DNAH1: variants seen among roughly 807,000 people sequenced by gnomAD.
DNAH1 encodes the protein dynein axonemal heavy chain 1, also known as axonemal beta dynein heavy chain 1.
A neutral mutation model predicts 484.3 loss-of-function variants in DNAH1; 327 were observed. The observed-to-expected ratio is 0.68, with a 90% CI of 0.62 to 0.74. DNAH1 has a LOEUF of 0.74. DNAH1 is among the 30% of genes least tolerant of loss of function. The pLI is 0.00. For synonymous variants in DNAH1, 2,192 were observed against 2,191.9 expected (o/e 1.00, Z 0.00); for missense variants, 5,052 against 5,546.8 (o/e 0.91, Z 2.83).
chr3:52,376,153 G>A (rs952965487), intron 46 of DNAH1, among the ~76,000 whole-genome samples, 160 bp downstream of exon 46: 2 of 152,164 alleles, frequency 1.3e-5, no homozygotes, highest in Non-Finnish European at 2.9e-5. Context: ...GTTGACACAG[G>A]CACTGGCTGC....
At chr3:52,330,318 G>A (rs948649324) in intron 6 of DNAH1, among the ~76,000 whole-genome samples, 1 of 152,186 alleles carries the variant, frequency 6.6e-6, no homozygotes, top group African/African-American at 2.4e-5. Context: ...TGAACCAGGA[G>A]CTGATGCATA....
At chr3:52,391,942 C>T (rs571652940) in intron 63 of DNAH1, among the ~76,000 whole-genome samples, 6 of 152,300 alleles carry the variant, frequency 3.9e-5, no homozygotes, top group African/African-American at 1.4e-4. Context: ...CAGAGCTGAC[C>T]CAGAGCCCTG....
In DNAH1 at chr3:52,346,756, TAAC is replaced by T. The variant is rs1559509259; in HGVS notation, c.1943_1945del (p.Asn648del). The T allele has an allele frequency of 6.2e-7, 1 of 1,605,850 alleles. No individual in the cohort carries two copies. The highest frequency in any genetic ancestry group is 1.7e-5 in the Admixed American group (1 of 59,798). ...ACATGGTCTGGGGTGACGACTTAAT[TAAC>T]AGCCCCTACAGGTGGGGCCCGGCGG... On this transcript the variant is annotated inframe_deletion, in exon 11 of 78. Transcript: ENST00000420323.
chr3:52,397,974 T>C, intron 74 of DNAH1, 58 bp from the exon 75 acceptor site: 1 of 1,590,192 alleles, frequency 6.3e-7, no homozygotes, highest in Non-Finnish European at 8.6e-7. Context: ...GCATGTGGAA[T>C]CCCACAGGGG....
chr3:52,373,020 GA>G lies in DNAH1; in HGVS notation c.6953del (p.Asp2318AlafsTer17). The G allele has an allele frequency of 6.2e-7, 1 of 1,613,278 alleles. No individual in the cohort carries two copies. The highest frequency in any genetic ancestry group is 8.5e-7 in the Non-Finnish European group (1 of 1,179,812). On this transcript the variant is annotated frameshift_variant, in exon 44 of 78. Transcript: ENST00000420323. LOFTEE classifies it high-confidence loss of function. Reference sequence around the variant, plus strand: ...CATCGAGCTGTTGCGCCAGTGGATGGACCACGGCGGCTGGTACGACCGCAAG... The same window carrying G: ...CATCGAGCTGTTGCGCCAGTGGATGGCCACGGCGGCTGGTACGACCGCAAG... ...PPIELLRQWM[D>X]HGGWYDRKII...
chr3:52,385,424 A>C lies in DNAH1; in HGVS notation c.8602A>C (p.Met2868Leu), dbSNP rs772252289. 2 of 1,552,050 alleles carry C rather than the reference A, an allele frequency of 1.3e-6. No homozygotes were observed. The highest frequency in any genetic ancestry group is 2.4e-5 in the South Asian group (2 of 84,088). Residue 2868 changes from methionine to leucine, a missense_variant, in exon 54 of 78, where the codon ATG becomes CTG. Met to Leu is a conservative substitution (Grantham distance 15). This residue lies in a region of DNAH1 where 2,929 missense variants were observed against 3,409.4 expected (regional missense o/e 0.86). Transcript: ENST00000420323. The part of the protein sequence containing the change: ...PLLEEAAKDT[M>L]LTMEQIKVDT... ...GCTGGAGGAGGCTGCCAAGGACACC[A>C]TGCTCACCATGGAGCAGATCAAGGT...
chr3:52,344,216 T>C (rs559624028), intron 8 of DNAH1, among the ~76,000 whole-genome samples: 2 of 152,128 alleles, frequency 1.3e-5, no homozygotes, highest in South Asian at 2.1e-4. Context: ...GTCCCACTGC[T>C]CTGGGGCCTG....
intron 34 of DNAH1, among the ~76,000 whole-genome samples, chr3:52,365,542 G>A (rs1243840135): frequency 6.6e-6 from 1 of 152,194 alleles, no homozygotes; most frequent in Non-Finnish European, 1.5e-5. Flanking sequence ...GTCTGGGAGG[G>A]CTGGGGGGAC....
intron 58 of DNAH1, 63 bp from the exon 59 acceptor site, chr3:52,388,743 A>G (rs1704230880): frequency 1.9e-6 from 3 of 1,606,448 alleles, no homozygotes; most frequent in South Asian, 2.2e-5. Flanking sequence ...CACAGTGGGT[A>G]GGGCCAGCCC....
intron 8 of DNAH1, among the ~76,000 whole-genome samples, chr3:52,333,880 T>A (rs1017652572): frequency 1.3e-5 from 2 of 152,196 alleles, no homozygotes; most frequent in Non-Finnish European, 2.9e-5. Flanking sequence ...CTAATGTGAG[T>A]GTTCTGAGCA....
rs1466858489 is a variant in DNAH1, at chr3:52,381,850, G to A, written c.7805+14G>A. ...CGCCTCGCACATGTGAGCGCCTCCA[G>A]GGCGTGCTGGGCAGTGGGCGGCCAG... On this transcript the variant is annotated intron_variant, in intron 49 of 77. Transcript: ENST00000420323. The surrounding 1 kb of genome is among the most constrained non-coding windows in gnomAD (Gnocchi z 4.1). 1.9e-6 allele frequency: 3 copies of A among 1,559,100 alleles called. No homozygotes were observed. The African/African-American group carries it at 4.1e-5, about 21-fold the overall frequency.
In DNAH1 at chr3:52,381,609, C is replaced by A; in HGVS notation, c.7609-31C>A. On this transcript the variant is annotated intron_variant, in intron 48 of 77. Coordinates refer to ENST00000420323, the MANE Select transcript of DNAH1 (RefSeq NM_015512.5). The surrounding 1 kb of genome is among the most constrained non-coding windows in gnomAD (Gnocchi z 4.1). The stretch of plus-strand genomic sequence containing the variant: ...GGGAGACCCTACAGTAAGAGAGACC[C>A]CGCCTTCCCCATCCTCGCCTTGGTG... 1 of 1,563,994 alleles carries A rather than the reference C, an allele frequency of 6.4e-7. No individual in the cohort carries two copies. Among genetic ancestry groups the A allele is most frequent in the Admixed American group, 1.8e-5 (1 of 54,478 alleles).
In DNAH1 at chr3:52,384,766, C is replaced by G; in HGVS notation, c.8323-20C>G. 6.3e-7 allele frequency: 1 copy of G among 1,578,902 alleles called. No individual in the cohort carries two copies. Among genetic ancestry groups the G allele is most frequent in the East Asian group, 2.3e-5 (1 of 43,262 alleles). ...CCTGGGGCCTCTACCAGGCCGGCAT[C>G]CATGGTCTTCCTCCCCCAGATCCAG... On this transcript the variant is annotated intron_variant, in intron 52 of 77. Transcript: ENST00000420323.
intron 46 of DNAH1, among the ~76,000 whole-genome samples, chr3:52,376,572 T>A (rs1458515843): frequency 6.6e-6 from 1 of 152,122 alleles, no homozygotes; most frequent in African/African-American, 2.4e-5. Context: ...AGCCTCCTCC[T>A]GGGCCTGCCT....
Position 52,399,204 on chromosome 3 carries a change from C to G in DNAH1, c.12441+3C>G, listed in dbSNP as rs750080273. On this transcript the variant is annotated splice_donor_region_variant and intron_variant, in intron 76 of 77. Transcript: ENST00000420323. ...ACACCATCTCCTTTGATTTCAAGGTCTGGGCACAGCCAGGGCCAGGTCAGG... is the reference window on the plus strand; with the variant it reads ...ACACCATCTCCTTTGATTTCAAGGTGTGGGCACAGCCAGGGCCAGGTCAGG... 1.1e-5 allele frequency: 17 copies of G among 1,599,724 alleles called. No homozygotes were observed. In the South Asian group the frequency reaches 1.5e-4, roughly 14 times the overall value.
chr3:52,364,757 A>G lies in DNAH1; in HGVS notation c.5331+33A>G. 6.2e-7 allele frequency: 1 copy of G among 1,608,196 alleles called. No homozygotes were observed. Among genetic ancestry groups the G allele is most frequent in the Non-Finnish European group, 8.5e-7 (1 of 1,176,386 alleles). ...CCACCCAGCAGGGCTCCAGGAGTGG[A>G]ACTCTGGGAGGGCTCCTGGGCAGCT... On this transcript the variant is annotated intron_variant, in intron 33 of 77. Transcript: ENST00000420323. This position sits in a 1 kb window ranked among gnomAD's most constrained non-coding sequence, Gnocchi z 4.2.
At chr3:52,356,955 G>A (rs1702634259) in intron 22 of DNAH1, among the ~76,000 whole-genome samples, 177 bp downstream of exon 22, 1 of 151,820 alleles carries the variant, frequency 6.6e-6, no homozygotes, top group African/African-American at 2.4e-5. Flanking sequence ...TTGCTCCTTA[G>A]AGGCACAGTC....
intron 22 of DNAH1, 123 bp downstream of exon 22, chr3:52,356,901 G>C (rs1702632939): frequency 8.0e-7 from 1 of 1,253,484 alleles, no homozygotes; most frequent in Non-Finnish European, 1.1e-6. Flanking sequence ...CTGAGGATTT[G>C]ATCTTGAACC....
At position 52,346,610 on chromosome 3, in the gene DNAH1, C is replaced by T. The variant is rs376457125; in HGVS notation, c.1795C>T (p.Leu599=). 1.2e-6 allele frequency: 2 copies of T among 1,613,950 alleles called. No homozygotes were observed. Among genetic ancestry groups the T allele is most frequent in the African/African-American group, 1.3e-5 (1 of 74,946 alleles). ...GTACCTCATGTCCAAGCTGCGCAAG[C>T]TGATGGAGCTGGTGAAGTACATGCT... ...EVYLMSKLRK[L]MELVKYMLQD... The change falls in exon 11 of 78, where the codon CTG becomes TTG. Residue 599 remains leucine, a synonymous_variant. Transcript: ENST00000420323.
Sources: allele counts gnomAD v4.1 joint callset (sites outside exome capture counted in the v4.1 genomes callset), GRCh38; gene constraint gnomAD v4.1.1; regional missense constraint gnomAD v4.1.1; non-coding constraint Gnocchi (gnomAD v3.1); transcripts MANE v1.5; gene names NCBI Gene and HGNC (gene_info 2026-07-23, HGNC 2026-07-21).